Variants in SLC28A3 observed in about 807,000 individuals in gnomAD.
The protein encoded by SLC28A3 is concentrative Na(+)-nucleoside cotransporter 3.
A neutral mutation model predicts 84.2 loss-of-function variants in SLC28A3; 68 were observed. That is an observed-to-expected ratio of 0.81 (90% CI 0.66 to 0.99). The LOEUF (loss-of-function observed/expected upper bound fraction) is 0.99, where lower values mean the gene tolerates loss of function less well. Among genes scored for constraint, SLC28A3 ranks in the 50% least tolerant of loss-of-function variants. The probability of loss-of-function intolerance (pLI) is 0.00; values close to 1 mark genes in which losing one functional copy is unlikely to be tolerated. For missense variants in SLC28A3, 712 were observed against 841.5 expected (o/e 0.85, Z 1.90); for synonymous variants, 267 against 303.6 (o/e 0.88, Z 1.25).
At chr9:84,292,445 GTGTCTCTC>G (rs1055068149) in intron 10 of SLC28A3, among the ~76,000 whole-genome samples, 20 of 118,350 alleles carry the variant, frequency 1.7e-4, no homozygotes, top group Admixed American at 7.6e-4. Flanking sequence ...ATTTCTCTCT[GTGTCTCTC>G]TGTCTCTCTG....
chr9:84,340,511 G>T, intron 1 of SLC28A3, 63 bp downstream of exon 1: 1 of 1,561,044 alleles, frequency 6.4e-7, no homozygotes, highest in Non-Finnish European at 8.8e-7. Flanking sequence ...ACTTGCCAAG[G>T]GGCTAAGGAA....
chr9:84,293,649 CAGG>C (rs1240436988), intron 9 of SLC28A3, among the ~76,000 whole-genome samples: 1 of 152,126 alleles, frequency 6.6e-6, no homozygotes, highest in African/African-American at 2.4e-5. Context: ...GCTAGGGCAG[CAGG>C]AAGGACATGA....
At chr9:84,339,679 A>G (rs1827093293) in intron 1 of SLC28A3, among the ~76,000 whole-genome samples, 1 of 152,114 alleles carries the variant, frequency 6.6e-6, no homozygotes, top group East Asian at 1.9e-4. Context: ...CCTCTCCTAC[A>G]CTTGTGACCT....
intron 3 of SLC28A3, among the ~76,000 whole-genome samples, chr9:84,306,091 C>G (rs1825779084): frequency 6.6e-6 from 1 of 152,082 alleles, no homozygotes; most frequent in South Asian, 2.1e-4. Flanking sequence ...CCACATGGCT[C>G]TCCTCTCCTT....
intron 3 of SLC28A3, among the ~76,000 whole-genome samples, chr9:84,306,343 A>ACC (rs1320939984): frequency 6.6e-6 from 1 of 151,938 alleles, no homozygotes; most frequent in Non-Finnish European, 1.5e-5. Flanking sequence ...TGCCTCCACT[A>ACC]CCCCGCCTTC....
chr9:84,279,190 A>AT, intron 17 of SLC28A3, 75 bp downstream of exon 17: 5 of 1,312,000 alleles, frequency 3.8e-6, no homozygotes, highest in Non-Finnish European at 5.0e-6. Flanking sequence ...AAAAAAAAAA[A>AT]GTAAGTGGAT....
intron 1 of SLC28A3, 143 bp downstream of exon 1, chr9:84,340,431 A>G (rs1827121297): frequency 2.3e-6 from 2 of 854,878 alleles, no homozygotes; most frequent in Non-Finnish European, 3.7e-6. Context: ...CCCAAGAAGA[A>G]AAAATAATGG....
At position 84,279,320 on chromosome 9, in the gene SLC28A3, T is replaced by C. The variant is rs138805274; in HGVS notation, c.1894A>G (p.Thr632Ala). The C allele has an allele frequency of 4.4e-4, 714 of 1,613,138 alleles. 1 individual carries two copies. The highest frequency in any genetic ancestry group is 5.7e-4 in the Non-Finnish European group (670 of 1,179,558). Reference protein sequence around the residue: ...HHVLENAFNSTFPGNTTKVIA... With the variant: ...HHVLENAFNSAFPGNTTKVIA... ...ACCTTGGTTGTGTTTCCAGGGAAAG[T>C]GGAGTTGAAGGCATTCTCTAAAACG... The change falls in exon 17 of 18, where the codon ACT (threonine) becomes GCT (alanine). Residue 632 changes from threonine to alanine, a missense_variant. Thr to Ala is a moderately conservative substitution (Grantham distance 58, BLOSUM62 0). Coordinates refer to ENST00000376238, the MANE Select transcript of SLC28A3 (RefSeq NM_001199633.2).
chr9:84,290,450 C>T (rs1382529376), intron 10 of SLC28A3, among the ~76,000 whole-genome samples, 171 bp from the exon 11 acceptor site: 6 of 152,252 alleles, frequency 3.9e-5, no homozygotes, highest in Non-Finnish European at 2.9e-5. Context: ...CAAATTATTT[C>T]GATTTACTAA....
chr9:84,287,089 A>G (rs7030019), intron 12 of SLC28A3, among the ~76,000 whole-genome samples: 25,863 of 151,964 alleles, frequency 0.17, 2,601 homozygotes, highest in African/African-American at 0.28. Context: ...CTGTAGTCCT[A>G]GCTACTCAAG....
chr9:84,307,805 T>G (rs535148138), intron 3 of SLC28A3, among the ~76,000 whole-genome samples: 50 of 152,338 alleles, frequency 3.3e-4, no homozygotes, highest in Non-Finnish European at 5.3e-4. Context: ...TGTGGCAATC[T>G]GACTTCTGCA....
chr9:84,278,502 G>C, intron 17 of SLC28A3, 158 bp from the exon 18 acceptor site: 1 of 893,178 alleles, frequency 1.1e-6, no homozygotes, highest in South Asian at 2.2e-5. Flanking sequence ...TGGGGAATTT[G>C]TTTTGGCTCC....
At position 84,285,942 on chromosome 9, in the gene SLC28A3, C is replaced by T. The variant is rs1164676909; in HGVS notation, c.1449+1G>A. ...AGGGCAGGGGCGTGATGTGATTATA[C>T]CTCAAAACTCAGCTGTGGGTAGTCA... is the stretch of plus-strand genomic sequence containing the variant. On this transcript the variant is annotated splice_donor_variant, in intron 13 of 17. Coordinates refer to ENST00000376238, the MANE Select transcript of SLC28A3 (RefSeq NM_001199633.2). LOFTEE classifies it high-confidence loss of function. 5 of 1,612,740 alleles carry T rather than the reference C, an allele frequency of 3.1e-6. No individual in the cohort carries two copies. The African/African-American group carries it at 4.0e-5, about 13-fold the overall frequency.
At position 84,299,608 on chromosome 9, in the gene SLC28A3, TAAC is replaced by T; in HGVS notation, c.639_641del (p.Leu214del). On this transcript the variant is annotated inframe_deletion, in exon 6 of 18. Coordinates refer to ENST00000376238, the MANE Select transcript of SLC28A3 (RefSeq NM_001199633.2). ...TGGTTGGGTACTTGGAAAATAGAAA[TAAC>T]AGGACAATGTACATTATGAGCCCAC... 6.2e-7 allele frequency: 1 copy of T among 1,613,684 alleles called. No homozygotes were observed. The highest frequency in any genetic ancestry group is 1.1e-5 in the South Asian group (1 of 91,014).
intron 11 of SLC28A3, among the ~76,000 whole-genome samples, chr9:84,289,208 A>G (rs1013054348): frequency 4.6e-5 from 7 of 152,166 alleles, no homozygotes; most frequent in African/African-American, 1.4e-4. Context: ...TGATCCACTC[A>G]AGCTGCTCCA....
At chr9:84,363,132 C>T in the SLC28A3 span, among the ~76,000 whole-genome samples, 1 of 152,160 alleles carries the variant, frequency 6.6e-6, no homozygotes, top group East Asian at 1.9e-4. Flanking sequence ...AGTTCATAAA[C>T]CCTTAAATGA....
At chr9:84,356,464 C>T in the SLC28A3 span, among the ~76,000 whole-genome samples, 2 of 152,182 alleles carry the variant, frequency 1.3e-5, no homozygotes, top group Admixed American at 6.6e-5. Flanking sequence ...ATCCCTGGGG[C>T]TCCATCCAGC....
intron 1 of SLC28A3, among the ~76,000 whole-genome samples, chr9:84,320,042 T>TTTTTG (rs1218291811): frequency 0.066 from 6,258 of 95,374 alleles, 810 homozygotes; most frequent in Non-Finnish European, 0.086. Flanking sequence ...CTTGCACTGT[T>TTTTTG]TTTTTTTTTT....
At chr9:84,368,100 T>C in the SLC28A3 span, among the ~76,000 whole-genome samples, 4 of 152,136 alleles carry the variant, frequency 2.6e-5, no homozygotes, top group Non-Finnish European at 5.9e-5. Flanking sequence ...GGGGAAACCT[T>C]GGACAATACC....
Sources: gnomAD v4.1 joint callset for allele counts (sites outside exome capture counted in the v4.1 genomes callset) on GRCh38, gnomAD v4.1.1 for gene constraint, MANE v1.5 for transcripts, NCBI Gene and HGNC (gene_info 2026-07-23, HGNC 2026-07-21) for gene names.